The following OSBPL6 variants were observed in gnomAD, a reference collection of about 807,000 sequenced individuals.
OSBPL6 encodes the protein oxysterol binding protein like 6.
OSBPL6 carries 49 observed loss-of-function variants against 125.8 expected under a neutral mutation model. That is an observed-to-expected ratio of 0.39 (90% confidence interval 0.31 to 0.49). OSBPL6 has a LOEUF of 0.49. Ranked by LOEUF, OSBPL6 falls within the 20% of genes least tolerant of loss-of-function variation. OSBPL6 has a pLI of 0.88. For missense variants in OSBPL6, 986 were observed against 1,135.4 expected (o/e 0.87, Z 1.89); for synonymous variants, 394 against 391.8 (o/e 1.01, Z -0.07).
chr2:178,295,942 T>A (rs1440276789), intron 2 of OSBPL6, among the ~76,000 whole-genome samples: 1 of 152,218 alleles, frequency 6.6e-6, no homozygotes, highest in Admixed American at 6.5e-5. Context: ...TCTAAAATTC[T>A]TGTTCCAAAA....
intron 1 of OSBPL6, among the ~76,000 whole-genome samples, chr2:178,204,595 C>A (rs373930419): frequency 3.3e-5 from 5 of 152,172 alleles, no homozygotes; most frequent in African/African-American, 1.2e-4. Flanking sequence ...AAAACTATTT[C>A]TTTGTATGTT....
intron 1 of OSBPL6, among the ~76,000 whole-genome samples, chr2:178,278,766 A>G (rs2092520492): frequency 6.6e-6 from 1 of 152,238 alleles, no homozygotes; most frequent in African/African-American, 2.4e-5. Flanking sequence ...CATAGGTAGG[A>G]AAAGAAAAAT....
At chr2:178,344,355 A>G (rs767146031) in intron 11 of OSBPL6, 4 of 1,614,078 alleles carry the variant, frequency 2.5e-6, no homozygotes, top group East Asian at 2.2e-5. Flanking sequence ...AGCAGTGGCT[A>G]CAACAGTGAG....
At chr2:178,251,346 C>T (rs180675754) in intron 1 of OSBPL6, among the ~76,000 whole-genome samples, 53 of 151,732 alleles carry the variant, frequency 3.5e-4, no homozygotes, top group Admixed American at 1.3e-3. Flanking sequence ...GACTTAGCAA[C>T]GGTTACTATG....
At chr2:178,289,243 C>T (rs536308711) in intron 2 of OSBPL6, among the ~76,000 whole-genome samples, 21 of 150,770 alleles carry the variant, frequency 1.4e-4, no homozygotes, top group African/African-American at 3.4e-4. Context: ...GTCTCAAAGT[C>T]GTGACCTCAT....
chr2:178,295,067 A>C (rs1685626208), intron 2 of OSBPL6, among the ~76,000 whole-genome samples: 1 of 152,138 alleles, frequency 6.6e-6, no homozygotes, highest in South Asian at 2.1e-4. Context: ...ACTTTGATGA[A>C]AACAAGTTCC....
At chr2:178,392,919 T>C (rs1333323398) in intron 23 of OSBPL6, among the ~76,000 whole-genome samples, 1 of 151,802 alleles carries the variant, frequency 6.6e-6, no homozygotes, top group African/African-American at 2.4e-5. Context: ...TTGTGACTTA[T>C]TTTTACTACC....
chr2:178,287,989 C>T (rs1289701165), intron 2 of OSBPL6, among the ~76,000 whole-genome samples: 1 of 150,982 alleles, frequency 6.6e-6, no homozygotes, highest in East Asian at 1.9e-4. Context: ...GTAAAACTAA[C>T]CAGTGAGCAA....
intron 5 of OSBPL6, among the ~76,000 whole-genome samples, chr2:178,328,687 C>T (rs1688921182): frequency 6.6e-6 from 1 of 152,004 alleles, no homozygotes; most frequent in Admixed American, 6.6e-5. Flanking sequence ...AGATTTTTGC[C>T]CTGTTAGCCA....
At chr2:178,194,439 G>GC (rs1344242710), upstream of OSBPL6, 1 of 151,972 alleles carries the variant, frequency 6.6e-6, no homozygotes, top group Non-Finnish European at 1.5e-5. Context: ...CCGCCAGCGC[G>GC]CCCCGCCCGT....
At chr2:178,347,069 T>TA (rs1690788813) in intron 11 of OSBPL6, among the ~76,000 whole-genome samples, 1 of 152,138 alleles carries the variant, frequency 6.6e-6, no homozygotes, top group Admixed American at 6.5e-5. Flanking sequence ...ATTTGTAACT[T>TA]ACGTTTTTCT....
intron 9 of OSBPL6, among the ~76,000 whole-genome samples, chr2:178,337,571 T>C (rs1425758885): frequency 6.6e-6 from 1 of 152,226 alleles, no homozygotes; most frequent in Non-Finnish European, 1.5e-5. Flanking sequence ...GCAGTAAGTA[T>C]TTCTTAGAGA....
chr2:178,393,052 C>T (rs79257048), intron 23 of OSBPL6, among the ~76,000 whole-genome samples: 1,777 of 152,228 alleles, frequency 0.012, 24 homozygotes, highest in African/African-American at 0.035. Flanking sequence ...GCACATAGTT[C>T]CCCACAGAAG....
chr2:178,243,265 A>C (rs1356107910), intron 1 of OSBPL6, among the ~76,000 whole-genome samples: 1 of 152,228 alleles, frequency 6.6e-6, no homozygotes, highest in African/African-American at 2.4e-5. Flanking sequence ...CAAAGAAGGT[A>C]GGACAGTTTT....
intron 1 of OSBPL6, among the ~76,000 whole-genome samples, chr2:178,201,968 A>G (rs918660539): frequency 2.0e-5 from 3 of 152,226 alleles, no homozygotes; most frequent in African/African-American, 7.2e-5. Context: ...CGGGAATGGC[A>G]GAATCCAGAT....
Position 178,382,606 on chromosome 2 carries a change from C to G in OSBPL6, c.1621+99C>G, listed in dbSNP as rs758379449. ...ATTCCCCCTCCCACGCCACCCCCACCCCTGCTAATTGTTCTTTTGGCAGCT... is the reference window on the plus strand; with the variant it reads ...ATTCCCCCTCCCACGCCACCCCCACGCCTGCTAATTGTTCTTTTGGCAGCT... On this transcript the variant is annotated intron_variant, in intron 16 of 24. Transcript: ENST00000190611. The G allele has an allele frequency of 5.8e-6, 9 of 1,559,746 alleles. No homozygotes were observed. In the South Asian group the frequency reaches 1.1e-4, roughly 18 times the overall value.
chr2:178,353,457 C>A (rs186890644), intron 12 of OSBPL6, among the ~76,000 whole-genome samples: 4 of 152,244 alleles, frequency 2.6e-5, no homozygotes, highest in Admixed American at 2.6e-4. Flanking sequence ...CATGCCCAAG[C>A]TTCAGTAGCT....
chr2:178,386,841 T>A (rs1260043288), intron 19 of OSBPL6, among the ~76,000 whole-genome samples: 1 of 151,056 alleles, frequency 6.6e-6, no homozygotes, highest in Admixed American at 6.6e-5. Flanking sequence ...TAGTGGGGGT[T>A]TTTTTTAGTT....
At chr2:178,381,867 C>A (rs72953324) in intron 15 of OSBPL6, among the ~76,000 whole-genome samples, 1 of 152,198 alleles carries the variant, frequency 6.6e-6, no homozygotes, top group Non-Finnish European at 1.5e-5. Flanking sequence ...TCCCCTCTGT[C>A]ACAGCCACTC....
Sources: gnomAD v4.1 joint callset for allele counts (sites outside exome capture counted in the v4.1 genomes callset) on GRCh38, gnomAD v4.1.1 for gene constraint, MANE v1.5 for transcripts, NCBI Gene and HGNC (gene_info 2026-07-23, HGNC 2026-07-21) for gene names.